The following PNLIPRP3 variants were observed in gnomAD, a reference collection of about 807,000 sequenced individuals.
The protein encoded by PNLIPRP3 is pancreatic lipase related protein 3, also known as pancreatic lipase-related protein 3.
Under a neutral mutation model 52.8 loss-of-function variants are expected in PNLIPRP3, and 58 were observed. The observed-to-expected ratio is 1.10, with a 90% confidence interval of 0.89 to 1.37. The LOEUF (loss-of-function observed/expected upper bound fraction) is 1.37. PNLIPRP3 is among the 40% of genes most tolerant of loss of function. PNLIPRP3 has a pLI of 0.00. For missense variants in PNLIPRP3, 593 were observed against 561.6 expected (o/e 1.06, Z -0.57); for synonymous variants, 192 against 185.0 (o/e 1.04, Z -0.31).
At chr10:116,470,972 C>T (rs1401604653) in intron 9 of PNLIPRP3, among the ~76,000 whole-genome samples, 1 of 152,088 alleles carries the variant, frequency 6.6e-6, no homozygotes, top group Non-Finnish European at 1.5e-5. Flanking sequence ...AGTGGAGAGA[C>T]AGCAGGGGGA....
At chr10:116,471,191 A>G (rs1195888816) in intron 9 of PNLIPRP3, among the ~76,000 whole-genome samples, 1 of 152,208 alleles carries the variant, frequency 6.6e-6, no homozygotes, top group Non-Finnish European at 1.5e-5. Flanking sequence ...CTAGATGTAA[A>G]AAGTCACATT....
intron 10 of PNLIPRP3, among the ~76,000 whole-genome samples, chr10:116,474,607 AAAAC>A (rs1487893314): frequency 2.6e-5 from 4 of 152,326 alleles, no homozygotes; most frequent in African/African-American, 9.6e-5. Context: ...TTACAAGGCA[AAAAC>A]AAACAACTAC....
chr10:116,439,439 G>A, intron 2 of PNLIPRP3: 1 of 626,458 alleles, frequency 1.6e-6, no homozygotes, highest in Non-Finnish European at 2.9e-6. Context: ...TTCACAAGGA[G>A]ACAGATAAAT....
chr10:116,456,444 C>T (rs1292205176), intron 5 of PNLIPRP3, among the ~76,000 whole-genome samples: 2 of 152,038 alleles, frequency 1.3e-5, no homozygotes, highest in African/African-American at 4.8e-5. Context: ...CCACATGTGC[C>T]CCCAAAATAT....
In PNLIPRP3 at chr10:116,476,832, T is replaced by G; in HGVS notation, c.1340+13T>G. ...AATATGGATATAAGTAAGTATTGCTTTTTCCTTTTCATTTTCGTAGTTTAC... is the reference window on the plus strand; with the variant it reads ...AATATGGATATAAGTAAGTATTGCTGTTTCCTTTTCATTTTCGTAGTTTAC... On this transcript the variant is annotated intron_variant, in intron 11 of 11. Transcript: ENST00000369230. 6.4e-7 allele frequency: 1 copy of G among 1,561,268 alleles called. No individual in the cohort carries two copies. Among genetic ancestry groups the G allele is most frequent in the Non-Finnish European group, 8.7e-7 (1 of 1,154,604 alleles).
At chr10:116,439,017 G>C (rs1018393348) in intron 2 of PNLIPRP3, among the ~76,000 whole-genome samples, 1 of 152,176 alleles carries the variant, frequency 6.6e-6, no homozygotes, top group Admixed American at 6.5e-5. Context: ...ATTTATAGGA[G>C]ATATCTGGAG....
At chr10:116,428,871 A>C (rs1174841961) in intron 1 of PNLIPRP3, among the ~76,000 whole-genome samples, 3 of 152,200 alleles carry the variant, frequency 2.0e-5, no homozygotes, top group Non-Finnish European at 4.4e-5. Flanking sequence ...GACAGTCGTC[A>C]CATCTAACAT....
intron 4 of PNLIPRP3, among the ~76,000 whole-genome samples, chr10:116,446,338 T>C (rs1472281758): frequency 2.1e-5 from 2 of 93,590 alleles, no homozygotes; most frequent in Non-Finnish European, 4.0e-5. Flanking sequence ...AGTGCGACGC[T>C]GCGTCTCAAA....
At chr10:116,472,761 C>T (rs1263585928) in intron 10 of PNLIPRP3, among the ~76,000 whole-genome samples, 1 of 152,200 alleles carries the variant, frequency 6.6e-6, no homozygotes, top group South Asian at 2.1e-4. Context: ...AACCATGTCT[C>T]CCACCATTTG....
At chr10:116,467,690 T>G (rs1846301768) in intron 8 of PNLIPRP3, among the ~76,000 whole-genome samples, 1 of 152,128 alleles carries the variant, frequency 6.6e-6, no homozygotes, top group Admixed American at 6.5e-5. Flanking sequence ...TTTGCTGTTT[T>G]CATTAAATAT....
At chr10:116,456,806 A>G (rs1333069848) in intron 5 of PNLIPRP3, among the ~76,000 whole-genome samples, 1 of 152,080 alleles carries the variant, frequency 6.6e-6, no homozygotes, top group Admixed American at 6.5e-5. Context: ...AGCAAGCCCC[A>G]CGTCTCCTTC....
chr10:116,468,557 C>T (rs558365707), intron 8 of PNLIPRP3, among the ~76,000 whole-genome samples: 13 of 152,244 alleles, frequency 8.5e-5, no homozygotes, highest in African/African-American at 3.1e-4. Context: ...TAGCCAATCA[C>T]CAAAAAAGGT....
Position 116,463,143 on chromosome 10 carries a change from A to G in PNLIPRP3, c.808+1853A>G, listed in dbSNP as rs112015672. Among the ~76,000 whole-genome samples the G allele has an allele frequency of 2.8e-3, 431 of 152,354 alleles. 3 individuals carry two copies. Among genetic ancestry groups the G allele is most frequent in the African/African-American group, 0.01 (416 of 41,572 alleles). Reference sequence around the variant, plus strand: ...CCAATTATTAATCTGTGCTGACGATATTACATTATTTCTGAAACTATTCTG... The same window carrying G: ...CCAATTATTAATCTGTGCTGACGATGTTACATTATTTCTGAAACTATTCTG... On this transcript the variant is annotated intron_variant, in intron 7 of 11. Coordinates refer to ENST00000369230, the MANE Select transcript of PNLIPRP3 (RefSeq NM_001011709.3).
chr10:116,468,487 G>A (rs767470316), intron 8 of PNLIPRP3, among the ~76,000 whole-genome samples: 55 of 152,226 alleles, frequency 3.6e-4, no homozygotes, highest in Admixed American at 1.2e-3. Flanking sequence ...AAACCAATCA[G>A]CTGTAGACAA....
Position 116,435,224 on chromosome 10 carries a change from G to T in PNLIPRP3, c.50-1487G>T, listed in dbSNP as rs573355985. 5.3e-5 allele frequency among the ~76,000 whole-genome samples: 8 copies of T among 152,142 alleles called. No homozygotes were observed. The East Asian group carries it at 1.2e-3, about 22-fold the overall frequency. On this transcript the variant is annotated intron_variant, in intron 1 of 11. Coordinates refer to ENST00000369230, the MANE Select transcript of PNLIPRP3 (RefSeq NM_001011709.3). ...GACAAAACATAGAAGGATTAATTTT[G>T]CTTATAGAGCAAAGTCTGAATATTA...
At chr10:116,469,970 C>CAAAAAAA (rs34958696) in intron 9 of PNLIPRP3, among the ~76,000 whole-genome samples, 16 of 131,502 alleles carry the variant, frequency 1.2e-4, no homozygotes, top group African/African-American at 4.4e-4. Context: ...ACAATTCAGG[C>CAAAAAAA]AAAAAAAAAA....
intron 9 of PNLIPRP3, among the ~76,000 whole-genome samples, chr10:116,470,751 G>A (rs1467665691): frequency 6.6e-6 from 1 of 152,056 alleles, no homozygotes; most frequent in Non-Finnish European, 1.5e-5. Flanking sequence ...CTCGTGATCT[G>A]ACCGCCTCGG....
chr10:116,465,450 G>C (rs912649242), intron 7 of PNLIPRP3, among the ~76,000 whole-genome samples: 3 of 151,928 alleles, frequency 2.0e-5, no homozygotes, highest in Non-Finnish European at 4.4e-5. Context: ...CAGGAGAATG[G>C]CGTGAACCCC....
intron 2 of PNLIPRP3, chr10:116,439,656 C>G (rs550004737): frequency 1.3e-6 from 1 of 763,570 alleles, no homozygotes; most frequent in East Asian, 2.4e-5. Context: ...TTAAGTTATT[C>G]CACATCTCAC....
Sources: allele counts gnomAD v4.1 joint callset (sites outside exome capture counted in the v4.1 genomes callset), GRCh38; gene constraint gnomAD v4.1.1; transcripts MANE v1.5; gene names NCBI Gene and HGNC (gene_info 2026-07-23, HGNC 2026-07-21).